The following MDN1 variants were observed in gnomAD, a reference collection of about 807,000 sequenced individuals.
MDN1 encodes midasin AAA ATPase 1.
MDN1 carries 266 observed loss-of-function variants against 669.2 expected under a neutral mutation model. That is an observed-to-expected ratio of 0.40 (90% CI 0.36 to 0.44). The LOEUF is 0.44. Among genes scored for constraint, MDN1 ranks in the 20% least tolerant of loss-of-function variants. The pLI is 1.00. For missense variants in MDN1, 5,940 were observed against 6,754.0 expected, an observed-to-expected ratio of 0.88 and a Z score of 4.22; for synonymous variants, 2,385 against 2,457.1, an observed-to-expected ratio of 0.97 and a Z score of 0.87.
Position 89,794,169 on chromosome 6 carries a change from T to C in MDN1, c.593A>G (p.Asn198Ser). Residue 198 changes from asparagine to serine, a missense_variant, in exon 4 of 102, where the codon AAT becomes AGT. Physicochemically the swap from Asn to Ser is conservative, Grantham distance 46. Coordinates refer to ENST00000369393, the MANE Select transcript of MDN1 (RefSeq NM_014611.3). ...AAGAAATGATAACTTGTGCTCTTCA[T>C]TCATACAGGTAACCAAAGCAAGACA... is the stretch of plus-strand genomic sequence containing the variant. ...ANCLALVTCM[N>S]EEHKLSFLKK... 1 of 1,601,348 alleles carries C rather than the reference T, an allele frequency of 6.2e-7. No homozygotes were observed. Among genetic ancestry groups the C allele is most frequent in the African/African-American group, 1.3e-5 (1 of 74,260 alleles).
At chr6:89,716,592 T>C in intron 44 of MDN1, 58 bp downstream of exon 44, 2 of 1,545,002 alleles carry the variant, frequency 1.3e-6, no homozygotes, top group Non-Finnish European at 1.7e-6. Context: ...GGGTTTCTAC[T>C]TTGACAAGCA....
chr6:89,677,751 GC>G, intron 75 of MDN1, 55 bp from the exon 76 acceptor site: 3 of 1,609,268 alleles, frequency 1.9e-6, no homozygotes, highest in Non-Finnish European at 1.7e-6. Flanking sequence ...GAATGGATGT[GC>G]CCCCCTCTCC....
At chr6:89,814,112 C>A (rs181630443) in intron 1 of MDN1, among the ~76,000 whole-genome samples, 2 of 152,090 alleles carry the variant, frequency 1.3e-5, no homozygotes, top group Admixed American at 6.6e-5. Context: ...CTAAGCCCCC[C>A]CAACCAACTG....
At chr6:89,791,236 A>G (rs1562223259) in intron 5 of MDN1, among the ~76,000 whole-genome samples, 1 of 152,064 alleles carries the variant, frequency 6.6e-6, no homozygotes, top group Admixed American at 6.5e-5. Flanking sequence ...TTACTGTTGG[A>G]TTTTTCTTTT....
In MDN1 at chr6:89,732,410, T is replaced by C; in HGVS notation, c.4942+147A>G. The C allele has an allele frequency of 4.4e-6, 3 of 682,606 alleles. No homozygotes were observed. In the South Asian group the frequency reaches 5.8e-5, roughly 13 times the overall value. The allele number at this position is 682,606 out of a possible 1,614,324, so 42.3% of individuals were successfully genotyped here. ...TGTGTGCCAATCACCTTTCAAAGAG[T>C]ACAAACAAAAGGAAAGCCATTCTGA... On this transcript the variant is annotated intron_variant, in intron 34 of 101. Coordinates refer to ENST00000369393, the MANE Select transcript of MDN1 (RefSeq NM_014611.3).
rs111519233 is a variant in MDN1, at chr6:89,714,206, T to C, written c.7069+337A>G. On this transcript the variant is annotated intron_variant, in intron 46 of 101. Coordinates refer to ENST00000369393, the MANE Select transcript of MDN1 (RefSeq NM_014611.3). ...GCTTTAAACAACTCAAAGTTTCCTCTTTATTCCAACTTCAAGAGGCTGTTG... is the reference window on the plus strand; with the variant it reads ...GCTTTAAACAACTCAAAGTTTCCTCCTTATTCCAACTTCAAGAGGCTGTTG... Among the ~76,000 whole-genome samples, 1,357 of 152,276 alleles carry C rather than the reference T, an allele frequency of 8.9e-3. 7 individuals are homozygous for C. The highest frequency in any genetic ancestry group is 0.011 in the Non-Finnish European group (779 of 68,030).
At chr6:89,687,303 C>G in intron 68 of MDN1, 41 bp downstream of exon 68, 2 of 1,560,446 alleles carry the variant, frequency 1.3e-6, no homozygotes, top group Non-Finnish European at 1.8e-6. Flanking sequence ...GACAAAAGCC[C>G]TTACAACCTA....
intron 13 of MDN1, 112 bp from the exon 14 acceptor site, chr6:89,772,833 G>C: frequency 8.4e-7 from 1 of 1,188,158 alleles, no homozygotes; most frequent in Non-Finnish European, 1.2e-6. Flanking sequence ...ACAGCTCACA[G>C]TAACTGTCTT....
In MDN1 at chr6:89,706,093, G is replaced by C; in HGVS notation, c.8114C>G (p.Ser2705Cys). 6.2e-7 allele frequency: 1 copy of C among 1,610,542 alleles called. No individual in the cohort carries two copies. The highest frequency in any genetic ancestry group is 8.5e-7 in the Non-Finnish European group (1 of 1,177,678). ...ACTGGCATCAGACACCATTCCCTGG[G>C]AGGACTGTACCCAGAGCAGGACTAG... The part of the protein sequence containing the change: ...DALVLLWVQS[S>C]QGMVSDASAN... Residue 2705 changes from serine (S) to cysteine (C), a missense_variant, in exon 53 of 102, where the codon TCC becomes TGC. Coordinates refer to ENST00000369393, the MANE Select transcript of MDN1 (RefSeq NM_014611.3).
rs2128296841 is a variant in MDN1, at chr6:89,643,791, A to C, written c.*214T>G. ...GAAGGATAACTCTTCTCTAGTTACGAGTTCAGGCACCTGCTGCTGCTTCCA... is the reference window on the plus strand; with the variant it reads ...GAAGGATAACTCTTCTCTAGTTACGCGTTCAGGCACCTGCTGCTGCTTCCA... On this transcript the variant is annotated 3_prime_UTR_variant, in exon 102 of 102. Coordinates refer to ENST00000369393, the MANE Select transcript of MDN1 (RefSeq NM_014611.3). 2.2e-6 allele frequency: 1 copy of C among 449,218 alleles called. No homozygotes were observed. The highest frequency in any genetic ancestry group is 3.5e-5 in the East Asian group (1 of 28,314). 27.8% of individuals were successfully genotyped at this position (449,218 alleles called of 1,614,324 possible). A position where few individuals can be genotyped will look rare whatever the true frequency, so the allele number is the denominator to read the frequency against.
intron 12 of MDN1, 83 bp downstream of exon 12, chr6:89,776,517 A>C (rs563180692): frequency 9.9e-7 from 1 of 1,013,562 alleles, no homozygotes; most frequent in African/African-American, 1.6e-5. Flanking sequence ...AGCTGTTCCA[A>C]CTAAGGACTA....
At chr6:89,810,358 C>G (rs1768329388) in intron 1 of MDN1, among the ~76,000 whole-genome samples, 1 of 152,034 alleles carries the variant, frequency 6.6e-6, no homozygotes, top group Non-Finnish European at 1.5e-5. Flanking sequence ...ATCGCTTGAA[C>G]CCGGGAAGCA....
chr6:89,781,291 G>T, intron 10 of MDN1, 108 bp downstream of exon 10: 1 of 1,049,962 alleles, frequency 9.5e-7, no homozygotes, highest in Non-Finnish European at 1.4e-6. Flanking sequence ...GCGGAGGTTG[G>T]AGTGAGCCAA....
intron 12 of MDN1, among the ~76,000 whole-genome samples, chr6:89,776,112 T>C (rs1818342452): frequency 6.6e-6 from 1 of 152,166 alleles, no homozygotes; most frequent in South Asian, 2.1e-4. Context: ...CAAAATAAAA[T>C]AAATGCTCAC....
chr6:89,770,015 T>C (rs559280440), intron 15 of MDN1, among the ~76,000 whole-genome samples: 2 of 152,180 alleles, frequency 1.3e-5, no homozygotes, highest in Admixed American at 6.5e-5. Context: ...GGAGGATTGC[T>C]TAAACCCAGG....
intron 43 of MDN1, among the ~76,000 whole-genome samples, chr6:89,717,916 G>T (rs1309368922): frequency 6.6e-6 from 1 of 152,112 alleles, no homozygotes; most frequent in East Asian, 1.9e-4. Context: ...TCTGAAAGTG[G>T]CACCACAAAA....
chr6:89,748,149 A>AC (rs1277824551), intron 26 of MDN1, among the ~76,000 whole-genome samples: 3 of 151,964 alleles, frequency 2.0e-5, no homozygotes, highest in African/African-American at 4.8e-5. Context: ...ATATGGTGAA[A>AC]CCCCGTCTCT....
At chr6:89,705,907 T>C (rs1813482599) in intron 53 of MDN1, 152 bp downstream of exon 53, 1 of 559,636 alleles carries the variant, frequency 1.8e-6, no homozygotes, top group African/African-American at 1.9e-5. Flanking sequence ...ATTTTAAATA[T>C]GTGTATAGGT....
rs546742846 is a variant in MDN1, at chr6:89,718,440, A to G, written c.6509T>C (p.Ile2170Thr). 2.0e-5 allele frequency: 33 copies of G among 1,614,114 alleles called. No individual in the cohort carries two copies. Among genetic ancestry groups the G allele is most frequent in the Middle Eastern group, 1.6e-4 (1 of 6,062 alleles). The change falls in exon 43 of 102, where the codon ATT (isoleucine) becomes ACT (threonine). Residue 2170 changes from isoleucine (I) to threonine (T), a missense_variant. Physicochemically the swap from Ile to Thr is moderately conservative, Grantham distance 89. This residue lies in a region of MDN1 where 2,292 missense variants were observed against 2,638.3 expected (regional missense o/e 0.87). Transcript: ENST00000369393. ...TAACACTGCTTCTAGTTTGTTGACA[A>G]TCTCCATCGTGATAGCTTTACCACC... ...GEGGKAITME[I>T]VNKLEAVLLL...
Sources: gnomAD v4.1 joint callset for allele counts (sites outside exome capture counted in the v4.1 genomes callset) on GRCh38, gnomAD v4.1.1 for gene constraint, gnomAD v4.1.1 regional missense constraint, MANE v1.5 for transcripts, NCBI Gene and HGNC (gene_info 2026-07-23, HGNC 2026-07-21) for gene names.